The following MGAT4C variants were observed in gnomAD, a reference collection of about 807,000 sequenced individuals.
The protein encoded by MGAT4C is MGAT4 family member C.
MGAT4C carries 19 observed loss-of-function variants against 40.1 expected under a neutral mutation model. That is an observed-to-expected ratio of 0.47 (90% CI 0.33 to 0.70). The LOEUF is 0.70. Among genes scored for constraint, MGAT4C ranks in the 30% least tolerant of loss-of-function variants. The pLI is 0.02. For missense variants in MGAT4C, 491 were observed against 563.2 expected, an observed-to-expected ratio of 0.87 and a Z score of 1.30; for synonymous variants, 181 against 187.1, an observed-to-expected ratio of 0.97 and a Z score of 0.27.
At chr12:86,161,522 T>A (rs1566071612) in intron 1 of MGAT4C, among the ~76,000 whole-genome samples, 1 of 152,050 alleles carries the variant, frequency 6.6e-6, no homozygotes, top group South Asian at 2.1e-4. Context: ...GGATTAACGA[T>A]TTAAATGTTA....
chr12:86,732,324 C>T (rs114687350), intron 1 of MGAT4C, among the ~76,000 whole-genome samples: 54 of 152,078 alleles, frequency 3.6e-4, no homozygotes, highest in African/African-American at 1.0e-3. Flanking sequence ...TTTCACAGAC[C>T]GGGGTGGGGG....
chr12:86,793,870 C>T (rs186857110), intron 1 of MGAT4C, among the ~76,000 whole-genome samples: 164 of 152,038 alleles, frequency 1.1e-3, no homozygotes, highest in African/African-American at 3.7e-3. Context: ...AAAACTGAAA[C>T]AGTGATATTG....
At chr12:86,403,211 A>ACCATT (rs1203226975) in intron 3 of MGAT4C, among the ~76,000 whole-genome samples, 3 of 152,178 alleles carry the variant, frequency 2.0e-5, no homozygotes, top group Admixed American at 6.5e-5. Flanking sequence ...CTTACCTTCC[A>ACCATT]CCATTGACAT....
At chr12:86,421,822 G>A (rs935569397) in intron 3 of MGAT4C, among the ~76,000 whole-genome samples, 2 of 152,048 alleles carry the variant, frequency 1.3e-5, no homozygotes, top group Non-Finnish European at 2.9e-5. Context: ...AAAATATAAA[G>A]AGAAAAATAT....
chr12:86,393,536 T>C (rs963518826), intron 3 of MGAT4C, among the ~76,000 whole-genome samples: 1 of 152,190 alleles, frequency 6.6e-6, no homozygotes, highest in Non-Finnish European at 1.5e-5. Context: ...TATTATCTTT[T>C]AAAGAGTGAA....
intron 2 of MGAT4C, among the ~76,000 whole-genome samples, chr12:86,545,283 T>C (rs536770993): frequency 6.6e-6 from 1 of 152,150 alleles, no homozygotes; most frequent in South Asian, 2.1e-4. Flanking sequence ...TATGAATCCA[T>C]TTTTCTAAAA....
intron 2 of MGAT4C, among the ~76,000 whole-genome samples, chr12:86,584,374 C>A (rs1222446370): frequency 1.3e-5 from 2 of 150,616 alleles, no homozygotes; most frequent in Non-Finnish European, 3.0e-5. Flanking sequence ...CTCATTGATG[C>A]CACAGTCTCT....
chr12:86,295,173 AATTT>A (rs1161419565), intron 4 of MGAT4C, among the ~76,000 whole-genome samples: 5 of 152,180 alleles, frequency 3.3e-5, no homozygotes, highest in African/African-American at 9.7e-5. Flanking sequence ...AGCCATAAAC[AATTT>A]ATTTAAATAG....
At chr12:86,055,422 T>G (rs1036937012) in intron 1 of MGAT4C, among the ~76,000 whole-genome samples, 1 of 151,910 alleles carries the variant, frequency 6.6e-6, no homozygotes, top group Non-Finnish European at 1.5e-5. Context: ...ACAAAAGAAA[T>G]AAAAGGACAT....
chr12:86,388,674 TG>T (rs145995861), intron 3 of MGAT4C, among the ~76,000 whole-genome samples: 2 of 147,514 alleles, frequency 1.4e-5, no homozygotes, highest in Admixed American at 6.7e-5. Flanking sequence ...CAGCGTTTTT[TG>T]TTTTTTTTTT....
At chr12:86,658,709 T>A (rs150792545) in intron 2 of MGAT4C, among the ~76,000 whole-genome samples, 1 of 152,192 alleles carries the variant, frequency 6.6e-6, no homozygotes, top group African/African-American at 2.4e-5. Flanking sequence ...TTTCAAAAAG[T>A]ATTTTTTTTA....
chr12:86,121,739 T>C (rs1319426586), intron 1 of MGAT4C, among the ~76,000 whole-genome samples: 2 of 152,216 alleles, frequency 1.3e-5, no homozygotes, highest in Non-Finnish European at 2.9e-5. Context: ...CAAAAGCTCC[T>C]GAAGGAAGCA....
At chr12:86,347,489 G>A in intron 3 of MGAT4C, among the ~76,000 whole-genome samples, 1 of 152,144 alleles carries the variant, frequency 6.6e-6, no homozygotes, top group East Asian at 1.9e-4. Context: ...AGGAGAGCCA[G>A]TCTCTGAGCA....
At chr12:86,787,790 C>T (rs752056203) in intron 1 of MGAT4C, among the ~76,000 whole-genome samples, 2 of 152,066 alleles carry the variant, frequency 1.3e-5, no homozygotes, top group Non-Finnish European at 2.9e-5. Context: ...CTCTATTGCC[C>T]AGGCTGGAGT....
intron 1 of MGAT4C, among the ~76,000 whole-genome samples, chr12:86,734,585 C>A (rs1011357185): frequency 1.3e-5 from 2 of 152,018 alleles, no homozygotes; most frequent in African/African-American, 2.4e-5. Context: ...GATTAATAAC[C>A]CCCATAGAAA....
chr12:86,427,491 A>C (rs938520873), intron 3 of MGAT4C, among the ~76,000 whole-genome samples: 2 of 152,020 alleles, frequency 1.3e-5, no homozygotes, highest in Non-Finnish European at 2.9e-5. Context: ...GAATTATTTC[A>C]TTCTCCCATC....
rs1272662031 is a variant in MGAT4C at position 85,969,108 on chromosome 12, C to T, written c.*10181G>A. The T allele has an allele frequency of 2.6e-5, 4 of 151,596 alleles. No individual in the cohort carries two copies. Among genetic ancestry groups the T allele is most frequent in the Admixed American group, 6.6e-5 (1 of 15,178 alleles). 9.4% of individuals were successfully genotyped at this position (151,596 alleles called of 1,614,324 possible). On this transcript the variant is annotated 3_prime_UTR_variant, in exon 5 of 5. Transcript: ENST00000611864. ...AATTCCTAGATCTATCCTAGATTTA[C>T]AGGGAAGAATTCAGTAGTCTGAAAC...
intron 4 of MGAT4C, among the ~76,000 whole-genome samples, chr12:86,285,084 T>C (rs567752039): frequency 1.3e-5 from 2 of 152,122 alleles, no homozygotes; most frequent in Middle Eastern, 6.8e-3. Context: ...GGCAAACAAA[T>C]TTGAGATCAA....
intron 1 of MGAT4C, among the ~76,000 whole-genome samples, chr12:86,770,380 C>T (rs1170058695): frequency 2.0e-5 from 3 of 151,922 alleles, no homozygotes. Context: ...AGAGTAGTGA[C>T]TACTAAATAT....
Sources: allele counts gnomAD v4.1 joint callset (sites outside exome capture counted in the v4.1 genomes callset), GRCh38; gene constraint gnomAD v4.1.1; transcripts MANE v1.5; gene names NCBI Gene and HGNC (gene_info 2026-07-23, HGNC 2026-07-21).